Variants in C1QTNF3 observed in about 807,000 individuals in gnomAD.
C1QTNF3 encodes C1q and TNF related 3, also known as complement C1q tumor necrosis factor-related protein 3.
Under a neutral mutation model 32.6 loss-of-function variants are expected in C1QTNF3, and 26 were observed. The observed-to-expected ratio is 0.80, with a 90% CI of 0.58 to 1.11. The LOEUF is 1.11. Ranked by LOEUF, C1QTNF3 falls within the 50% of genes least tolerant of loss-of-function variation. The pLI is 0.00. For missense variants in C1QTNF3, 362 were observed against 398.2 expected (o/e 0.91, Z 0.77); for synonymous variants, 155 against 146.0 (o/e 1.06, Z -0.44).
the C1QTNF3 span, among the ~76,000 whole-genome samples, chr5:34,056,155 G>A: frequency 6.6e-6 from 1 of 151,856 alleles, no homozygotes; most frequent in Non-Finnish European, 1.5e-5. Context: ...TGCTTTGATT[G>A]AAAATTATGC....
chr5:34,112,286 C>T, the C1QTNF3 span, among the ~76,000 whole-genome samples: 1 of 152,068 alleles, frequency 6.6e-6, no homozygotes, highest in African/African-American at 2.4e-5. Flanking sequence ...TATTTCCAAC[C>T]AATCAATTAC....
chr5:34,075,163 T>C, the C1QTNF3 span, among the ~76,000 whole-genome samples: 1 of 151,772 alleles, frequency 6.6e-6, no homozygotes, highest in Non-Finnish European at 1.5e-5. Context: ...AAACAAAAAA[T>C]ACCTTCTCCA....
In C1QTNF3 at chr5:34,033,317, G is replaced by A. The variant is rs771216364; in HGVS notation, c.557C>T (p.Pro186Leu). Reference sequence around the variant, plus strand: ...AGGATGGTTTACCTGAAGTTCTGGTGGAATCCCCGGGTAGCCCTTCTCTCC... The same window carrying A: ...AGGATGGTTTACCTGAAGTTCTGGTAGAATCCCCGGGTAGCCCTTCTCTCC... ...PKGEKGYPGI[P>L]PELQIAFMAS... Residue 186 changes from proline (P) to leucine (L), a missense_variant, in exon 3 of 6, where the codon CCA becomes CTA. Transcript: ENST00000382065. 3.7e-6 allele frequency: 6 copies of A among 1,613,526 alleles called. No homozygotes were observed. The East Asian group carries it at 1.3e-4, about 36-fold the overall frequency.
At chr5:34,032,312 A>G (rs1283175868) in intron 3 of C1QTNF3, among the ~76,000 whole-genome samples, 1 of 152,222 alleles carries the variant, frequency 6.6e-6, no homozygotes. Flanking sequence ...ATCATTTAAA[A>G]GAGAGAGAAA....
intron 4 of C1QTNF3, chr5:34,024,274 C>T (rs778413966): frequency 4.1e-5 from 15 of 366,390 alleles, no homozygotes; most frequent in Non-Finnish European, 7.3e-5. Context: ...TATCTCACTG[C>T]CTTGTACCCT....
At chr5:34,103,432 T>C in the C1QTNF3 span, among the ~76,000 whole-genome samples, 1 of 151,732 alleles carries the variant, frequency 6.6e-6, no homozygotes, top group South Asian at 2.1e-4. Flanking sequence ...CTTTAGATGT[T>C]ACAAACATTA....
the C1QTNF3 span, among the ~76,000 whole-genome samples, chr5:34,142,742 A>G: frequency 7.9e-5 from 12 of 152,244 alleles, no homozygotes; most frequent in Non-Finnish European, 1.8e-4. Flanking sequence ...CCTTGTACGG[A>G]GGTCTGGCCC....
chr5:34,154,033 A>T, the C1QTNF3 span, among the ~76,000 whole-genome samples: 1 of 69,534 alleles, frequency 1.4e-5, no homozygotes, highest in Non-Finnish European at 2.8e-5. Context: ...CCTGCAAAAT[A>T]AAAAAAAAAA....
the C1QTNF3 span, among the ~76,000 whole-genome samples, chr5:34,111,821 TA>T: frequency 6.6e-6 from 1 of 152,278 alleles, no homozygotes; most frequent in African/African-American, 2.4e-5. Flanking sequence ...GGGATGAAAG[TA>T]AAAAACAAGG....
the C1QTNF3 span, among the ~76,000 whole-genome samples, chr5:34,163,264 G>C: frequency 6.6e-6 from 1 of 152,002 alleles, no homozygotes; most frequent in African/African-American, 2.4e-5. Context: ...GTGATGTTAT[G>C]TACAACAACC....
At chr5:34,112,243 C>G in the C1QTNF3 span, among the ~76,000 whole-genome samples, 2 of 152,144 alleles carry the variant, frequency 1.3e-5, no homozygotes, top group African/African-American at 4.8e-5. Context: ...AAGATGTATT[C>G]TCTTCCATTT....
chr5:34,129,442 G>C, the C1QTNF3 span, among the ~76,000 whole-genome samples: 2 of 152,196 alleles, frequency 1.3e-5, no homozygotes, highest in Non-Finnish European at 2.9e-5. Context: ...GAGGAATGAA[G>C]AGATATTGTT....
At chr5:34,227,358 T>C in the C1QTNF3 span, among the ~76,000 whole-genome samples, 1 of 151,930 alleles carries the variant, frequency 6.6e-6, no homozygotes, top group East Asian at 1.9e-4. Flanking sequence ...TTCAATTGGC[T>C]GCATGTATGC....
At chr5:34,043,226 G>A (rs1579613795), upstream of C1QTNF3, 25 of 1,283,140 alleles carry the variant, frequency 1.9e-5, no homozygotes, top group East Asian at 2.1e-4. Flanking sequence ...GAGCTGCAGC[G>A]GCGGAGTGGT....
intron 1 of C1QTNF3, among the ~76,000 whole-genome samples, chr5:34,039,067 A>AG (rs1754809314): frequency 6.6e-6 from 1 of 152,178 alleles, no homozygotes; most frequent in African/African-American, 2.4e-5. Context: ...AAAATGGCAG[A>AG]GTTTAATTGG....
the C1QTNF3 span, among the ~76,000 whole-genome samples, chr5:34,202,617 T>C: frequency 6.6e-6 from 1 of 150,926 alleles, no homozygotes; most frequent in East Asian, 1.9e-4. Context: ...TTACTTTATA[T>C]TTTTATTTAT....
chr5:34,208,417 C>T, the C1QTNF3 span, among the ~76,000 whole-genome samples: 11 of 151,836 alleles, frequency 7.2e-5, no homozygotes, highest in Non-Finnish European at 1.5e-4. Flanking sequence ...GGGGAACTAT[C>T]GTGTACACTG....
chr5:34,029,069 CAAT>C, intron 3 of C1QTNF3, 186 bp from the exon 4 acceptor site: 1 of 437,728 alleles, frequency 2.3e-6, no homozygotes. Context: ...ATTAGATTGA[CAAT>C]GTCTATCAAC....
At chr5:34,225,616 T>C in the C1QTNF3 span, among the ~76,000 whole-genome samples, 5 of 151,968 alleles carry the variant, frequency 3.3e-5, no homozygotes, top group African/African-American at 1.2e-4. Flanking sequence ...CCACATTTCC[T>C]TGATCCATTT....
Sources: allele counts gnomAD v4.1 joint callset (sites outside exome capture counted in the v4.1 genomes callset), GRCh38; gene constraint gnomAD v4.1.1; transcripts MANE v1.5; gene names NCBI Gene and HGNC (gene_info 2026-07-23, HGNC 2026-07-21).